ADAMTS20: variants seen among roughly 807,000 people sequenced by gnomAD.
ADAMTS20 encodes A disintegrin and metalloproteinase with thrombospondin motifs 20.
A neutral mutation model predicts 260.1 loss-of-function variants in ADAMTS20; 225 were observed. The observed-to-expected ratio is 0.87, with a 90% confidence interval of 0.78 to 0.97. ADAMTS20 has a LOEUF of 0.97. ADAMTS20 is among the 50% of genes least tolerant of loss of function. ADAMTS20 has a pLI of 0.00. For missense variants in ADAMTS20, 2,400 were observed against 2,337.7 expected (o/e 1.03, Z -0.55); for synonymous variants, 802 against 769.5 (o/e 1.04, Z -0.70).
chr12:43,378,961 T>C (rs1214668387), intron 31 of ADAMTS20, among the ~76,000 whole-genome samples: 2 of 152,202 alleles, frequency 1.3e-5, no homozygotes, highest in Non-Finnish European at 2.9e-5. Context: ...GCAAGTTTTG[T>C]GATGGTTTAA....
intron 3 of ADAMTS20, among the ~76,000 whole-genome samples, chr12:43,528,109 A>G (rs1365904954): frequency 6.6e-6 from 1 of 151,956 alleles, no homozygotes; most frequent in Non-Finnish European, 1.5e-5. Context: ...AAATAAAATA[A>G]AATACTTAGA....
Position 43,443,773 on chromosome 12 carries a change from T to A in ADAMTS20, c.2290+18A>T, listed in dbSNP as rs763880244. On this transcript the variant is annotated intron_variant, in intron 16 of 38. Coordinates refer to ENST00000389420, the MANE Select transcript of ADAMTS20 (RefSeq NM_025003.5). Reference sequence around the variant, plus strand: ...CACATAAGCCACATACTGGCTGTTGTTTACGAGAAATGTTTACCAAGGTAA... The same window carrying A: ...CACATAAGCCACATACTGGCTGTTGATTACGAGAAATGTTTACCAAGGTAA... 5 of 1,602,092 alleles carry A rather than the reference T, an allele frequency of 3.1e-6. No homozygotes were observed. The South Asian group carries it at 5.5e-5, about 18-fold the overall frequency.
At chr12:43,517,033 T>G (rs1943008326) in intron 3 of ADAMTS20, among the ~76,000 whole-genome samples, 1 of 152,038 alleles carries the variant, frequency 6.6e-6, no homozygotes, top group Non-Finnish European at 1.5e-5. Context: ...TAATAAAGAT[T>G]CTTAGTAAAC....
chr12:43,541,345 C>T (rs1943374164), intron 2 of ADAMTS20, among the ~76,000 whole-genome samples: 1 of 152,026 alleles, frequency 6.6e-6, no homozygotes. Flanking sequence ...GTCTGTAAAA[C>T]AAAATTGAAA....
intron 3 of ADAMTS20, among the ~76,000 whole-genome samples, chr12:43,528,702 T>C (rs956651637): frequency 2.6e-5 from 4 of 151,918 alleles, no homozygotes; most frequent in Non-Finnish European, 5.9e-5. Context: ...ACCATAAAAA[T>C]CCTAGAAGAA....
intron 29 of ADAMTS20, among the ~76,000 whole-genome samples, chr12:43,388,734 A>G (rs544280696): frequency 6.6e-6 from 1 of 152,334 alleles, no homozygotes; most frequent in Admixed American, 6.5e-5. Context: ...GCCTATAGTT[A>G]GTGATTGTCT....
chr12:43,358,486 A>G (rs1205209860), intron 37 of ADAMTS20, among the ~76,000 whole-genome samples: 2 of 152,224 alleles, frequency 1.3e-5, no homozygotes, highest in African/African-American at 2.4e-5. Flanking sequence ...GTCAAGTACC[A>G]TGAAAGTTCA....
At position 43,376,411 on chromosome 12, in the gene ADAMTS20, C is replaced by T. The variant is rs564266531; in HGVS notation, c.5126-81G>A. On this transcript the variant is annotated intron_variant, in intron 33 of 38. Coordinates refer to ENST00000389420, the MANE Select transcript of ADAMTS20 (RefSeq NM_025003.5). ...ACTTAATCATAGAAATATTGCTACACTCTGAATATCTGACACTTTGTTTTG... is the reference window on the plus strand; with the variant it reads ...ACTTAATCATAGAAATATTGCTACATTCTGAATATCTGACACTTTGTTTTG... The T allele has an allele frequency of 1.2e-5, 18 of 1,442,640 alleles. 1 individual carries two copies. In the East Asian group the frequency reaches 4.4e-4, roughly 35 times the overall value. The allele number at this position is 1,442,640 out of a possible 1,614,324, so 89.4% of individuals were successfully genotyped here.
chr12:43,488,285 C>A (rs1469236502), intron 7 of ADAMTS20, among the ~76,000 whole-genome samples: 1 of 151,994 alleles, frequency 6.6e-6, no homozygotes, highest in Non-Finnish European at 1.5e-5. Flanking sequence ...GGTTAACCAT[C>A]GAGGGGTATG....
chr12:43,451,921 T>C (rs1468373457), intron 14 of ADAMTS20, among the ~76,000 whole-genome samples: 1 of 152,170 alleles, frequency 6.6e-6, no homozygotes, highest in Non-Finnish European at 1.5e-5. Context: ...AGGAAAACAT[T>C]ACTGTAGAAG....
chr12:43,373,042 C>T (rs1395005412), intron 36 of ADAMTS20, among the ~76,000 whole-genome samples: 2 of 152,140 alleles, frequency 1.3e-5, no homozygotes, highest in South Asian at 2.1e-4. Context: ...GCCATGGATC[C>T]GTGTAAGCTT....
At position 43,358,567 on chromosome 12, in the gene ADAMTS20, G is replaced by C. The variant is rs151320276; in HGVS notation, c.5539-1979C>G. 7.3e-3 allele frequency among the ~76,000 whole-genome samples: 1,114 copies of C among 152,042 alleles called. 4 individuals are homozygous for C. Among genetic ancestry groups the C allele is most frequent in the Middle Eastern group, 0.014 (4 of 294 alleles). On this transcript the variant is annotated intron_variant, in intron 37 of 38. Coordinates refer to ENST00000389420, the MANE Select transcript of ADAMTS20 (RefSeq NM_025003.5). ...TAAAAAAAGTAATTCGGACGGGCGC[G>C]GTGGCTCACGCCTGTAATCCCAGCA...
chr12:43,426,217 A>C (rs1941330626), intron 27 of ADAMTS20, among the ~76,000 whole-genome samples: 1 of 152,230 alleles, frequency 6.6e-6, no homozygotes, highest in Non-Finnish European at 1.5e-5. Context: ...AAACTCATGC[A>C]GAACAAAAGC....
At chr12:43,416,752 G>C (rs1307235218) in intron 28 of ADAMTS20, among the ~76,000 whole-genome samples, 2 of 151,728 alleles carry the variant, frequency 1.3e-5, no homozygotes, top group Non-Finnish European at 2.9e-5. Context: ...TCGATCTCCT[G>C]ACCTCGTGAT....
At chr12:43,381,809 G>T (rs1940361192) in intron 31 of ADAMTS20, among the ~76,000 whole-genome samples, 2 of 144,102 alleles carry the variant, frequency 1.4e-5, no homozygotes, top group African/African-American at 2.6e-5. Context: ...AAAAAAGATG[G>T]GCAGAAGATT....
intron 37 of ADAMTS20, among the ~76,000 whole-genome samples, chr12:43,360,966 T>C (rs530661194): frequency 4.5e-4 from 69 of 152,370 alleles, no homozygotes; most frequent in African/African-American, 7.0e-4. Context: ...ACCAGTTAAA[T>C]AGATCCACAT....
chr12:43,505,829 G>C (rs866638889), intron 3 of ADAMTS20, among the ~76,000 whole-genome samples: 1 of 152,308 alleles, frequency 6.6e-6, no homozygotes, highest in Middle Eastern at 3.4e-3. Flanking sequence ...GGGTCTTGAA[G>C]AGCTATTTGT....
intron 16 of ADAMTS20, among the ~76,000 whole-genome samples, chr12:43,440,931 G>A (rs1424882043): frequency 6.6e-6 from 1 of 152,076 alleles, no homozygotes; most frequent in Admixed American, 6.5e-5. Flanking sequence ...CGGGCGTACT[G>A]GCGGGCGCCT....
intron 28 of ADAMTS20, among the ~76,000 whole-genome samples, chr12:43,425,129 C>A (rs1592061422): frequency 6.6e-6 from 1 of 152,094 alleles, no homozygotes; most frequent in Non-Finnish European, 1.5e-5. Flanking sequence ...GAATTGGATA[C>A]CATTATCCTC....
Sources: gnomAD v4.1 joint callset for allele counts (sites outside exome capture counted in the v4.1 genomes callset) on GRCh38, gnomAD v4.1.1 for gene constraint, MANE v1.5 for transcripts, NCBI Gene and HGNC (gene_info 2026-07-23, HGNC 2026-07-21) for gene names.